Variants in TMEM74 observed in about 807,000 individuals in gnomAD.
TMEM74 encodes the protein transmembrane protein 74.
A neutral mutation model predicts 18.1 loss-of-function variants in TMEM74; 13 were observed. That is an observed-to-expected ratio of 0.72 (90% CI 0.47 to 1.14). The LOEUF (loss-of-function observed/expected upper bound fraction) is 1.14. Ranked by LOEUF, TMEM74 falls within the 50% of genes most tolerant of loss-of-function variation. The probability of loss-of-function intolerance (pLI) is 0.00; values close to 1 mark genes in which losing one functional copy is unlikely to be tolerated. For missense variants in TMEM74, 372 were observed against 375.9 expected, an observed-to-expected ratio of 0.99 and a Z score of 0.09; for synonymous variants, 159 against 146.6, an observed-to-expected ratio of 1.08 and a Z score of -0.61.
At chr8:108,723,724 A>C (rs548332300) in intron 1 of TMEM74, among the ~76,000 whole-genome samples, 1 of 152,310 alleles carries the variant, frequency 6.6e-6, no homozygotes, top group South Asian at 2.1e-4. Context: ...AAGATGGTAC[A>C]TTCAACACCA....
chr8:108,613,091 T>G (rs1369238493), intron 2 of TMEM74, among the ~76,000 whole-genome samples: 1 of 152,208 alleles, frequency 6.6e-6, no homozygotes, highest in African/African-American at 2.4e-5. Flanking sequence ...TTCTTTCATA[T>G]TCAAATGGAC....
In TMEM74 at chr8:108,650,759, G is replaced by A. The variant is rs112798695; in HGVS notation, n.264+4534C>T. On this transcript the variant is annotated intron_variant and non_coding_transcript_variant, in intron 2 of 3. Coordinates refer to the TMEM74 transcript ENST00000518838. ...AAGGCTTGCTCTTGTCCCCCAGGCTGGAGTGCAATGGCATGATCTCAGCTC... is the reference window on the plus strand; with the variant it reads ...AAGGCTTGCTCTTGTCCCCCAGGCTAGAGTGCAATGGCATGATCTCAGCTC... 8.1e-3 allele frequency among the ~76,000 whole-genome samples: 1,236 copies of A among 151,958 alleles called. 19 individuals are homozygous for A. The highest frequency in any genetic ancestry group is 0.026 in the African/African-American group (1,090 of 41,378).
At chr8:108,719,852 C>G (rs1156289535) in intron 1 of TMEM74, among the ~76,000 whole-genome samples, 2 of 152,086 alleles carry the variant, frequency 1.3e-5, no homozygotes, top group Non-Finnish European at 2.9e-5. Flanking sequence ...CAAAATTTTC[C>G]TCTAAACAGG....
intron 1 of TMEM74, among the ~76,000 whole-genome samples, chr8:108,714,564 C>T (rs769229923): frequency 3.9e-5 from 6 of 152,094 alleles, no homozygotes; most frequent in African/African-American, 9.7e-5. Flanking sequence ...GAAAAGGGAA[C>T]GCTTATACAC....
At chr8:108,637,355 T>A (rs1001927604) in intron 2 of TMEM74, among the ~76,000 whole-genome samples, 1 of 152,058 alleles carries the variant, frequency 6.6e-6, no homozygotes, top group African/African-American at 2.4e-5. Context: ...ATAATGGTAC[T>A]CAAAAATGCC....
At chr8:108,628,193 T>A (rs1478754524) in intron 2 of TMEM74, among the ~76,000 whole-genome samples, 1 of 152,088 alleles carries the variant, frequency 6.6e-6, no homozygotes, top group Non-Finnish European at 1.5e-5. Flanking sequence ...TGGTCTATAA[T>A]GGAAGTTGAC....
chr8:108,663,208 A>G (rs1235711011), intron 1 of TMEM74, among the ~76,000 whole-genome samples: 1 of 152,140 alleles, frequency 6.6e-6, no homozygotes, highest in Non-Finnish European at 1.5e-5. Context: ...CAAAGGTCTA[A>G]TACTTAAAGG....
intron 1 of TMEM74, among the ~76,000 whole-genome samples, chr8:108,753,431 T>G (rs2130654372): frequency 6.6e-6 from 1 of 152,194 alleles, no homozygotes; most frequent in South Asian, 2.1e-4. Context: ...AAAAATATCT[T>G]GCCATGCTGT....
At chr8:108,787,448 C>G (rs1200440636) in intron 1 of TMEM74, 28 bp downstream of exon 1, 1 of 152,472 alleles carries the variant, frequency 6.6e-6, no homozygotes, top group Non-Finnish European at 1.5e-5. Flanking sequence ...TTCAAAGCCT[C>G]CACCCCATCC....
intron 2 of TMEM74, among the ~76,000 whole-genome samples, chr8:108,615,759 A>C (rs553428139): frequency 7.0e-6 from 1 of 143,598 alleles, no homozygotes; most frequent in East Asian, 2.3e-4. Flanking sequence ...ATGACACTTT[A>C]GAGTTGGGGT....
At chr8:108,740,342 T>G (rs1563539593) in intron 1 of TMEM74, among the ~76,000 whole-genome samples, 1 of 152,154 alleles carries the variant, frequency 6.6e-6, no homozygotes, top group African/African-American at 2.4e-5. Flanking sequence ...GCTACTAGGC[T>G]TCTAATGACC....
intron 1 of TMEM74, among the ~76,000 whole-genome samples, chr8:108,767,737 C>G (rs766595633): frequency 2.0e-5 from 3 of 152,028 alleles, no homozygotes; most frequent in Non-Finnish European, 4.4e-5. Context: ...TTTCAGGGAT[C>G]TAGTTACTTA....
chr8:108,744,000 C>T (rs556274163), intron 1 of TMEM74, among the ~76,000 whole-genome samples: 11 of 151,352 alleles, frequency 7.3e-5, no homozygotes, highest in African/African-American at 2.7e-4. Flanking sequence ...ATTTTCTTAG[C>T]TGAAGCAAGA....
intron 1 of TMEM74, among the ~76,000 whole-genome samples, chr8:108,675,844 G>A (rs1316740839): frequency 6.6e-6 from 1 of 152,168 alleles, no homozygotes; most frequent in Non-Finnish European, 1.5e-5. Flanking sequence ...CATTCCAGGG[G>A]ATGCCACTTA....
rs1228793872 is a variant in TMEM74, at chr8:108,780,408, G to GT, written c.*3772dup. 1.3e-5 allele frequency among the ~76,000 whole-genome samples: 2 copies of GT among 151,960 alleles called. No individual in the cohort carries two copies. The highest frequency in any genetic ancestry group is 2.9e-5 in the Non-Finnish European group (2 of 67,996). ...TAGAATTTTTGCTTGTCAGAAGGTGGTAAAAAAAAATAGAGCCATTGGGTT... is the reference window on the plus strand; with the variant it reads ...TAGAATTTTTGCTTGTCAGAAGGTGGTTAAAAAAAAATAGAGCCATTGGGTT... On this transcript the variant is annotated 3_prime_UTR_variant, in exon 2 of 2. Coordinates refer to ENST00000297459, the MANE Select transcript of TMEM74 (RefSeq NM_153015.3).
At chr8:108,697,482 T>C (rs550145782) in intron 1 of TMEM74, among the ~76,000 whole-genome samples, 1 of 152,136 alleles carries the variant, frequency 6.6e-6, no homozygotes, top group African/African-American at 2.4e-5. Context: ...AGTGGCATGA[T>C]CATGGCTCAC....
intron 1 of TMEM74, among the ~76,000 whole-genome samples, chr8:108,721,719 T>A (rs80299090): frequency 6.6e-6 from 1 of 152,378 alleles, no homozygotes; most frequent in Non-Finnish European, 1.5e-5. Context: ...AGACTTTTTA[T>A]GAAAGCAAAT....
rs576588602 is a variant in TMEM74, at chr8:108,756,158, C to T, written n.119+31318G>A. On this transcript the variant is annotated intron_variant and non_coding_transcript_variant, in intron 1 of 3. Coordinates refer to the TMEM74 transcript ENST00000518838. ...AAAATTTCAAACGATTAGGTTTTAT[C>T]CACCTCAAAGTAAATGAAAGGCAGC... Among the ~76,000 whole-genome samples the T allele has an allele frequency of 3.4e-4, 51 of 152,076 alleles. 1 individual carries two copies. In the Middle Eastern group the frequency reaches 0.017, roughly 51 times the overall value.
intron 1 of TMEM74, among the ~76,000 whole-genome samples, chr8:108,672,123 G>A (rs898927466): frequency 1.3e-5 from 2 of 152,156 alleles, no homozygotes; most frequent in Admixed American, 1.3e-4. Context: ...ACACGGCTAC[G>A]GCAGTTGCCG....
Sources: gnomAD v4.1 joint callset for allele counts (sites outside exome capture counted in the v4.1 genomes callset) on GRCh38, gnomAD v4.1.1 for gene constraint, MANE v1.5 for transcripts, NCBI Gene and HGNC (gene_info 2026-07-23, HGNC 2026-07-21) for gene names.